Variants in SLC44A2 observed in about 807,000 individuals in gnomAD.
SLC44A2 encodes the protein choline transporter-like protein 2.
Under a neutral mutation model 90.8 loss-of-function variants are expected in SLC44A2, and 57 were observed. The observed-to-expected ratio is 0.63, with a 90% CI of 0.51 to 0.78. SLC44A2 has a LOEUF of 0.78. Among genes scored for constraint, SLC44A2 ranks in the 30% least tolerant of loss-of-function variants. The pLI is 0.00. For missense variants in SLC44A2, 794 were observed against 919.7 expected (o/e 0.86, Z 1.77); for synonymous variants, 355 against 360.7 (o/e 0.98, Z 0.18).
At position 10,632,093 on chromosome 19, in the gene SLC44A2, C is replaced by T. The variant is rs1355261894; in HGVS notation, c.760C>T (p.Arg254Cys). The T allele has an allele frequency of 1.1e-5, 17 of 1,614,138 alleles. No individual in the cohort carries two copies. In the South Asian group the frequency reaches 1.3e-4, roughly 13 times the overall value. The change falls in exon 10 of 22, where the codon CGC (arginine) becomes TGC (cysteine). Residue 254 changes from arginine (R) to cysteine (C), a missense_variant. Arg to Cys is a radical substitution (Grantham distance 180). Transcript: ENST00000335757. ...AMSLLFIILL[R>C]FLAGIMVWVM... ...GAGCCTCCTGTTCATCATCCTGCTTCGCTTCCTGGCTGGTATTATGGTCTG... is the reference window on the plus strand; with the variant it reads ...GAGCCTCCTGTTCATCATCCTGCTTTGCTTCCTGGCTGGTATTATGGTCTG...
At chr19:10,626,949 G>A (rs532229191) in intron 2 of SLC44A2, among the ~76,000 whole-genome samples, 80 of 150,476 alleles carry the variant, frequency 5.3e-4, no homozygotes, top group Admixed American at 5.2e-3. Context: ...GGTGGAGGTT[G>A]CAGTAAGCTG....
At chr19:10,613,016 G>T (rs1483602289) in intron 1 of SLC44A2, among the ~76,000 whole-genome samples, 1 of 152,024 alleles carries the variant, frequency 6.6e-6, no homozygotes, top group Admixed American at 6.6e-5. Flanking sequence ...TCACACTAAT[G>T]GTTAGTGGGG....
At position 10,632,027 on chromosome 19, in the gene SLC44A2, C is replaced by G. The variant is rs373632622; in HGVS notation, c.711-17C>G. 1.2e-6 allele frequency: 2 copies of G among 1,613,826 alleles called. No homozygotes were observed. Among genetic ancestry groups the G allele is most frequent in the South Asian group, 1.1e-5 (1 of 91,062 alleles). ...GCTGAGGGTGGAGTCTGTTCATGAC[C>G]GTTTTCTTTTCCCCAGAGGCCTGGT... On this transcript the variant is annotated splice_polypyrimidine_tract_variant and intron_variant, in intron 9 of 21. Transcript: ENST00000335757.
Position 10,630,558 on chromosome 19 carries a change from G to A in SLC44A2, c.246-499G>A, listed in dbSNP as rs576518358. Among the ~76,000 whole-genome samples the A allele has an allele frequency of 8.5e-4, 129 of 151,708 alleles. 1 individual carries two copies. The highest frequency in any genetic ancestry group is 4.7e-3 in the Admixed American group (72 of 15,172). On this transcript the variant is annotated intron_variant, in intron 4 of 21. Transcript: ENST00000335757. ...TACCTGTAGTCCCAGCTACTCGGGA[G>A]GCTGAGGCAGGAGAATTGCTTGAAC...
At chr19:10,639,324 A>G (rs1448875817) in intron 20 of SLC44A2, among the ~76,000 whole-genome samples, 2 of 152,216 alleles carry the variant, frequency 1.3e-5, no homozygotes, top group African/African-American at 4.8e-5. Flanking sequence ...GGGGGTAAAC[A>G]GATACTCCTC....
At chr19:10,607,068 C>T (rs772137920) in intron 1 of SLC44A2, among the ~76,000 whole-genome samples, 107 of 151,164 alleles carry the variant, frequency 7.1e-4, no homozygotes, top group African/African-American at 2.4e-3. Flanking sequence ...CCCGCCACCA[C>T]GCCTGGCTAA....
intron 1 of SLC44A2, among the ~76,000 whole-genome samples, chr19:10,608,271 G>A (rs930274834): frequency 6.7e-6 from 1 of 150,280 alleles, no homozygotes; most frequent in Non-Finnish European, 1.5e-5. Flanking sequence ...ATGTTGCCTT[G>A]GCTAGCCTAG....
At chr19:10,620,260 C>T (rs746044395) in intron 1 of SLC44A2, among the ~76,000 whole-genome samples, 6 of 151,794 alleles carry the variant, frequency 4.0e-5, no homozygotes, top group Non-Finnish European at 7.4e-5. Context: ...GTGGGCGGAT[C>T]GCCTGAGGTC....
rs781124227 is a variant in SLC44A2 at position 10,631,849 on chromosome 19, C to G, written c.627-19C>G. ...TCATGGAAGAGGGTCTGACCCGAGC[C>G]TTGTCCTCCTTCCCCCAGGAAAGCC... On this transcript the variant is annotated intron_variant, in intron 8 of 21. Coordinates refer to ENST00000335757, the MANE Select transcript of SLC44A2 (RefSeq NM_020428.4). 2 of 1,614,256 alleles carry G rather than the reference C, an allele frequency of 1.2e-6. No homozygotes were observed. Among genetic ancestry groups the G allele is most frequent in the Non-Finnish European group, 1.7e-6 (2 of 1,180,038 alleles).
upstream of SLC44A2, among the ~76,000 whole-genome samples, chr19:10,622,975 C>T (rs150894511): frequency 2.9e-4 from 44 of 152,298 alleles, no homozygotes; most frequent in Middle Eastern, 6.8e-3. Context: ...ACAGATGTCA[C>T]ATAGGTGTGC....
rs146200895 is a variant in SLC44A2, at chr19:10,636,455, T to C, written c.1366T>C (p.Leu456=). ...CTTCAATGCCTTCATGTTCTTCTGG[T>C]TGGCCAACTTCGTGCTGGCGCTGGG... ...QIFNAFMFFW[L]ANFVLALGQV... Residue 456 remains leucine (L), a synonymous_variant, in exon 15 of 22, where the codon TTG becomes CTG. Transcript: ENST00000335757. 16 of 1,613,854 alleles carry C rather than the reference T, an allele frequency of 9.9e-6. No homozygotes were observed. The Admixed American group carries it at 2.7e-4, about 27-fold the overall frequency.
chr19:10,627,552 A>T (rs2066946937), intron 2 of SLC44A2, among the ~76,000 whole-genome samples, 170 bp from the exon 3 acceptor site: 1 of 152,172 alleles, frequency 6.6e-6, no homozygotes. Context: ...CAAAATTAAA[A>T]AATGAAATGA....
intron 12 of SLC44A2, 42 bp downstream of exon 12, chr19:10,635,115 T>G: frequency 2.5e-6 from 4 of 1,613,560 alleles, no homozygotes; most frequent in Non-Finnish European, 3.4e-6. Context: ...GAGCTGTCCC[T>G]AGAGTTGTGT....
At chr19:10,621,570 A>G (rs1214445834), upstream of SLC44A2, among the ~76,000 whole-genome samples, 1 of 151,668 alleles carries the variant, frequency 6.6e-6, no homozygotes, top group Non-Finnish European at 1.5e-5. Flanking sequence ...CCACCTCCCA[A>G]GTTGCTGGGA....
intron 1 of SLC44A2, among the ~76,000 whole-genome samples, chr19:10,608,195 C>T (rs144101543): frequency 0.065 from 9,805 of 151,104 alleles, 361 homozygotes; most frequent in Middle Eastern, 0.12. Context: ...TGCACTCCAG[C>T]CTGGGCAACA....
chr19:10,618,382 G>C (rs2066872045), intron 1 of SLC44A2, among the ~76,000 whole-genome samples: 2 of 150,994 alleles, frequency 1.3e-5, no homozygotes, highest in Admixed American at 1.3e-4. Context: ...CACCATGTTA[G>C]CCAGGATGGT....
rs1275374317 is a variant in SLC44A2, at chr19:10,635,023, T to C, written c.1005T>C (p.Phe335=). The part of the protein sequence containing the change: ...LEVIIILLLI[F]LRKRILIAIA... ...TCATTATCATCTTGCTGCTCATCTTTCTCCGGAAGAGAATTCTCATCGCGA... is the reference window on the plus strand; with the variant it reads ...TCATTATCATCTTGCTGCTCATCTTCCTCCGGAAGAGAATTCTCATCGCGA... The change falls in exon 12 of 22, where the codon TTT becomes TTC. Residue 335 remains phenylalanine (F), a synonymous_variant. Coordinates refer to ENST00000335757, the MANE Select transcript of SLC44A2 (RefSeq NM_020428.4). 3.7e-6 allele frequency: 6 copies of C among 1,614,094 alleles called. No homozygotes were observed. Among genetic ancestry groups the C allele is most frequent in the South Asian group, 3.3e-5 (3 of 91,074 alleles).
chr19:10,637,873 C>A lies in SLC44A2; in HGVS notation c.1713C>A (p.Thr571=). 6.2e-7 allele frequency: 1 copy of A among 1,614,168 alleles called. No homozygotes were observed. Among genetic ancestry groups the A allele is most frequent in the Admixed American group, 1.7e-5 (1 of 60,008 alleles). The change falls in exon 18 of 22, where the codon ACC becomes ACA. Residue 571 remains threonine (T), a synonymous_variant. Coordinates refer to ENST00000335757, the MANE Select transcript of SLC44A2 (RefSeq NM_020428.4). ...TCCTCCAGATTGCCATCTACGGCAC[C>A]AATTTCTGCACCTCGGCCAGGAATG... ...NAYIMIAIYG[T]NFCTSARNAF... is the part of the protein sequence containing the mutation.
intron 1 of SLC44A2, among the ~76,000 whole-genome samples, chr19:10,604,475 T>G (rs566595392): frequency 1.3e-5 from 2 of 152,330 alleles, no homozygotes; most frequent in Admixed American, 1.3e-4. Context: ...GACTGGCCCA[T>G]GACGTCCCTG....
Sources: gnomAD v4.1 joint callset for allele counts (sites outside exome capture counted in the v4.1 genomes callset) on GRCh38, gnomAD v4.1.1 for gene constraint, MANE v1.5 for transcripts, NCBI Gene and HGNC (gene_info 2026-07-23, HGNC 2026-07-21) for gene names.